The following DHX36 variants were observed in gnomAD, a reference collection of about 807,000 sequenced individuals.
DHX36 encodes ATP-dependent DNA/RNA helicase DHX36.
A neutral mutation model predicts 139.0 loss-of-function variants in DHX36; 50 were observed. That is an observed-to-expected ratio of 0.36 (90% confidence interval 0.29 to 0.46). The LOEUF is 0.46. Ranked by LOEUF, DHX36 falls within the 20% of genes least tolerant of loss-of-function variation. DHX36 has a pLI of 1.00. For synonymous variants in DHX36, 425 were observed against 401.9 expected (o/e 1.06, Z -0.69); for missense variants, 1,024 against 1,211.3 (o/e 0.85, Z 2.29).
Position 154,315,242 on chromosome 3 carries a change from G to A in DHX36, c.407C>T (p.Ser136Leu). Reference protein sequence around the residue: ...TEVSTKNTPCSENKLDIQEKK... With the variant: ...TEVSTKNTPCLENKLDIQEKK... ...TTCCTGGATGTCAAGTTTGTTCTCT[G>A]AGCATGGTGTGTTCTTAGTAGAAAC... The change falls in exon 3 of 25, where the codon TCA (serine) becomes TTA (leucine). Residue 136 changes from serine (S) to leucine (L), a missense_variant. Around this residue, in one of 4 missense-constraint regions of DHX36, gnomAD observed 293 missense variants for 274.4 expected, o/e 1.07. Coordinates refer to ENST00000496811, the MANE Select transcript of DHX36 (RefSeq NM_020865.3). The A allele has an allele frequency of 6.2e-7, 1 of 1,612,920 alleles. No individual in the cohort carries two copies. Among genetic ancestry groups the A allele is most frequent in the Non-Finnish European group, 8.5e-7 (1 of 1,179,522 alleles).
rs77982843 is a variant in DHX36, at chr3:154,275,947, G to C, written c.*224C>G. ...AAAGAGTGGGCATGACCACAGCAGA[G>C]TATATGATCAGAGAACATATTGCTT... is the stretch of plus-strand genomic sequence containing the variant. On this transcript the variant is annotated 3_prime_UTR_variant, in exon 25 of 25. Transcript: ENST00000496811. The C allele has an allele frequency of 1.6e-5, 5 of 305,124 alleles. No homozygotes were observed. Among genetic ancestry groups the C allele is most frequent in the Non-Finnish European group, 2.9e-5 (5 of 171,774 alleles). 18.9% of individuals were successfully genotyped at this position (305,124 alleles called of 1,614,324 possible).
At chr3:154,312,249 A>G (rs1022768367) in intron 3 of DHX36, 1 of 152,226 alleles carries the variant, frequency 6.6e-6, no homozygotes, top group African/African-American at 2.4e-5. Context: ...CACAAGATCT[A>G]AATGAAAAAC....
At chr3:154,291,134 CAAAAAAAAA>C (rs71152798) in intron 15 of DHX36, among the ~76,000 whole-genome samples, 10 of 61,050 alleles carry the variant, frequency 1.6e-4, no homozygotes, top group African/African-American at 5.4e-4. Flanking sequence ...GACTCCGTCT[CAAAAAAAAA>C]AAAAAAAAAA....
intron 12 of DHX36, among the ~76,000 whole-genome samples, chr3:154,296,235 G>A (rs1214964356): frequency 6.6e-6 from 1 of 152,164 alleles, no homozygotes; most frequent in Non-Finnish European, 1.5e-5. Context: ...AGCACTTTGG[G>A]AGGCCGAGGC....
At chr3:154,282,404 C>T (rs928081763) in intron 20 of DHX36, among the ~76,000 whole-genome samples, 2 of 152,042 alleles carry the variant, frequency 1.3e-5, no homozygotes, top group Admixed American at 6.6e-5. Flanking sequence ...TTTCTTAGCT[C>T]AGGTGTCTTT....
At chr3:154,307,127 T>C (rs1396285797) in intron 5 of DHX36, among the ~76,000 whole-genome samples, 2 of 152,126 alleles carry the variant, frequency 1.3e-5, no homozygotes, top group African/African-American at 2.4e-5. Flanking sequence ...TCCTGGAATA[T>C]AGTCCCCATA....
At chr3:154,305,052 C>A in intron 7 of DHX36, 42 bp downstream of exon 7, 1 of 1,591,348 alleles carries the variant, frequency 6.3e-7, no homozygotes, top group Non-Finnish European at 8.5e-7. Context: ...ATAATTACAT[C>A]TTTTGATAAC....
intron 3 of DHX36, 122 bp downstream of exon 3, chr3:154,314,924 C>T: frequency 1.8e-6 from 1 of 554,982 alleles, no homozygotes; most frequent in Non-Finnish European, 2.8e-6. Flanking sequence ...AATTAATTCC[C>T]ACAGGGATGT....
chr3:154,286,780 A>AAGGACC lies in DHX36; in HGVS notation c.2032-1799_2032-1794dup, dbSNP rs1711564633. On this transcript the variant is annotated intron_variant, in intron 17 of 24. Transcript: ENST00000496811. ...GTATTTGGAAAAACAAATCACCAAG[A>AAGGACC]AGGACCAAGACACTCTGTTTTAAAA... is the stretch of plus-strand genomic sequence containing the variant. 2.6e-5 allele frequency among the ~76,000 whole-genome samples: 3 copies of AAGGACC among 116,476 alleles called. No homozygotes were observed. The South Asian group carries it at 1.1e-3, about 43-fold the overall frequency. The allele number at this position is 116,476 out of a possible 152,430, so 76.4% of individuals were successfully genotyped here. A position where few individuals can be genotyped will look rare whatever the true frequency, so the allele number is the denominator to read the frequency against.
chr3:154,296,495 AATAATAC>A (rs71152799), intron 12 of DHX36, among the ~76,000 whole-genome samples: 3,376 of 152,216 alleles, frequency 0.022, 52 homozygotes, highest in Non-Finnish European at 0.031. Flanking sequence ...TAATAATAAT[AATAATAC>A]ATTCCAAAAG....
intron 24 of DHX36, 93 bp downstream of exon 24, chr3:154,276,654 A>C: frequency 1.5e-6 from 2 of 1,317,544 alleles, no homozygotes; most frequent in Non-Finnish European, 2.1e-6. Flanking sequence ...AAATAGAGCA[A>C]GAAATGTTAA....
chr3:154,295,494 T>C (rs190562604), intron 12 of DHX36, among the ~76,000 whole-genome samples, 155 bp from the exon 13 acceptor site: 82 of 152,310 alleles, frequency 5.4e-4, no homozygotes, highest in African/African-American at 1.8e-3. Flanking sequence ...ACCATCTGAG[T>C]TGACAAACTG....
At chr3:154,307,507 A>G (rs1712548845) in intron 5 of DHX36, among the ~76,000 whole-genome samples, 1 of 152,150 alleles carries the variant, frequency 6.6e-6, no homozygotes, top group Non-Finnish European at 1.5e-5. Flanking sequence ...TAACAGGTAT[A>G]TGAAAAATGC....
At position 154,280,782 on chromosome 3, in the gene DHX36, T is replaced by C. The variant is rs1719310513; in HGVS notation, c.2457A>G (p.Pro819=). Reference sequence around the variant, plus strand: ...CTGTACCTGAATTTATATTAGATTCTGGATCTTTAGGATTTCTACTGCTTA... The same window carrying C: ...CTGTACCTGAATTTATATTAGATTCCGGATCTTTAGGATTTCTACTGCTTA... ...GFVSSRNPKD[P]ESNINSDNEK... The change falls in exon 21 of 25, where the codon CCA becomes CCG. Residue 819 remains proline (P), a synonymous_variant. Coordinates refer to ENST00000496811, the MANE Select transcript of DHX36 (RefSeq NM_020865.3). 3 of 1,613,536 alleles carry C rather than the reference T, an allele frequency of 1.9e-6. No homozygotes were observed. The highest frequency in any genetic ancestry group is 2.5e-6 in the Non-Finnish European group (3 of 1,179,642).
chr3:154,297,333 T>C (rs1319930215), intron 12 of DHX36, among the ~76,000 whole-genome samples: 4 of 152,184 alleles, frequency 2.6e-5, no homozygotes, highest in Non-Finnish European at 5.9e-5. Context: ...CATTTAGAAA[T>C]GAAATGTGAC....
At chr3:154,312,714 C>T (rs539111220) in intron 3 of DHX36, among the ~76,000 whole-genome samples, 5 of 150,578 alleles carry the variant, frequency 3.3e-5, no homozygotes, top group Admixed American at 6.6e-5. Context: ...TAGTGGCACA[C>T]GCCTGTAGTC....
At chr3:154,295,192 C>T in intron 13 of DHX36, 92 bp downstream of exon 13, 2 of 750,102 alleles carry the variant, frequency 2.7e-6, no homozygotes, top group Non-Finnish European at 4.2e-6. Context: ...GAAAATACTC[C>T]TTAAAAAAAA....
At chr3:154,289,671 A>T in intron 16 of DHX36, 38 bp downstream of exon 16, 1 of 1,140,826 alleles carries the variant, frequency 8.8e-7, no homozygotes, top group Non-Finnish European at 1.3e-6. Flanking sequence ...AAATGAGATC[A>T]CTTCCATTTA....
At chr3:154,317,983 C>G (rs1315773386) in intron 1 of DHX36, among the ~76,000 whole-genome samples, 1 of 152,030 alleles carries the variant, frequency 6.6e-6, no homozygotes, top group Non-Finnish European at 1.5e-5. Flanking sequence ...ACCAAAATAG[C>G]TGGTCACAAC....
Sources: allele counts gnomAD v4.1 joint callset (sites outside exome capture counted in the v4.1 genomes callset), GRCh38; gene constraint gnomAD v4.1.1; regional missense constraint gnomAD v4.1.1; transcripts MANE v1.5; gene names NCBI Gene and HGNC (gene_info 2026-07-23, HGNC 2026-07-21).